The following ATPAF1 variants were observed in gnomAD, a reference collection of about 807,000 sequenced individuals.
ATPAF1 encodes the protein homolog of yeast ATP11.
ATPAF1 carries 26 observed loss-of-function variants against 43.9 expected under a neutral mutation model. The observed-to-expected ratio is 0.59, with a 90% CI of 0.43 to 0.82. ATPAF1 has a LOEUF of 0.82. ATPAF1 is among the 40% of genes least tolerant of loss of function. ATPAF1 has a pLI of 0.00. For missense variants in ATPAF1, 366 were observed against 435.0 expected, an observed-to-expected ratio of 0.84 and a Z score of 1.41; for synonymous variants, 157 against 168.0, an observed-to-expected ratio of 0.93 and a Z score of 0.50.
At chr1:46,658,080 A>G (rs1409217938) in intron 4 of ATPAF1, 47 bp downstream of exon 4, 1 of 1,553,282 alleles carries the variant, frequency 6.4e-7, no homozygotes, top group Non-Finnish European at 8.8e-7. Context: ...TTTGGTTCAC[A>G]GAATTCACAT....
downstream of ATPAF1, chr1:46,632,899 A>G (rs894849931): frequency 6.6e-6 from 1 of 152,638 alleles, no homozygotes; most frequent in African/African-American, 2.4e-5. Context: ...AATATAATGT[A>G]TTTGGAGTTT....
At chr1:46,650,742 A>G (rs1676148401) in intron 6 of ATPAF1, among the ~76,000 whole-genome samples, 1 of 152,098 alleles carries the variant, frequency 6.6e-6, no homozygotes, top group Admixed American at 6.5e-5. Context: ...AGCTTGGAGA[A>G]CATTATGTTA....
In ATPAF1 at chr1:46,653,596, G is replaced by A. The variant is rs930071315; in HGVS notation, c.540+221C>T. On this transcript the variant is annotated intron_variant, in intron 5 of 8. Coordinates refer to ENST00000574428, the Ensembl canonical transcript of ATPAF1. The surrounding 1 kb of genome is among the most constrained non-coding windows in gnomAD (Gnocchi z 4.8). ...GCTCCCTTGTCAGAGACTTGACTCA[G>A]AGACATTTCTAAAGTAGAAAGGAGG... 1.3e-5 allele frequency among the ~76,000 whole-genome samples: 2 copies of A among 152,146 alleles called. No individual in the cohort carries two copies. Among genetic ancestry groups the A allele is most frequent in the African/African-American group, 4.8e-5 (2 of 41,414 alleles).
chr1:46,643,421 A>G, intron 7 of ATPAF1, 120 bp from the exon 8 acceptor site: 1 of 699,124 alleles, frequency 1.4e-6, no homozygotes, highest in Non-Finnish European at 2.4e-6. Flanking sequence ...GTGGCTAGTG[A>G]GTTGGAGGAC....
chr1:46,658,095 A>G (rs569283293), intron 4 of ATPAF1, 32 bp downstream of exon 4: 3 of 1,590,790 alleles, frequency 1.9e-6, no homozygotes, highest in Non-Finnish European at 1.7e-6. Context: ...TCACATTTTC[A>G]TAGAGTAGGC....
Position 46,641,537 on chromosome 1 carries a change from G to C in ATPAF1, c.792+1657C>G, listed in dbSNP as rs559366700. Among the ~76,000 whole-genome samples, 16 of 152,130 alleles carry C rather than the reference G, an allele frequency of 1.1e-4. No homozygotes were observed. The South Asian group carries it at 3.1e-3, about 30-fold the overall frequency. ...AAAGAGTTTCTATGCTGATTCTTCG[G>C]AGTTTCTCTTCCCATCCTCTCTTAA... On this transcript the variant is annotated intron_variant, in intron 8 of 8. Transcript: ENST00000574428.
At chr1:46,657,690 G>C (rs1359790907) in intron 4 of ATPAF1, among the ~76,000 whole-genome samples, 1 of 152,160 alleles carries the variant, frequency 6.6e-6, no homozygotes. Flanking sequence ...TAGTGGCAGA[G>C]CTAGGACTTA....
At position 46,665,255 on chromosome 1, in the gene ATPAF1, C is replaced by G; in HGVS notation, c.375+1G>C. 1 of 1,614,016 alleles carries G rather than the reference C, an allele frequency of 6.2e-7. No homozygotes were observed. Among genetic ancestry groups the G allele is most frequent in the African/African-American group, 1.3e-5 (1 of 75,054 alleles). On this transcript the variant is annotated splice_donor_variant, in intron 2 of 8. Coordinates refer to ENST00000574428, the Ensembl canonical transcript of ATPAF1. LOFTEE classifies it high-confidence loss of function. ...ACACCACAAATGGGGGAAGGTCTTA[C>G]CTTCTGTTCCACACATTTGATAAAA... is the stretch of plus-strand genomic sequence containing the variant.
intron 2 of ATPAF1, among the ~76,000 whole-genome samples, chr1:46,661,039 T>C (rs564823051): frequency 5.9e-5 from 9 of 151,832 alleles, no homozygotes; most frequent in Non-Finnish European, 8.8e-5. Flanking sequence ...TGTGGAATCA[T>C]AGGTCACTGA....
chr1:46,663,972 T>C (rs1345297157), intron 2 of ATPAF1: 6 of 1,123,592 alleles, frequency 5.3e-6, no homozygotes, highest in Non-Finnish European at 7.0e-6. Context: ...ATTTAGTGGA[T>C]TGTGATCAGA....
intron 8 of ATPAF1, among the ~76,000 whole-genome samples, chr1:46,638,398 C>T (rs1274057118): frequency 1.3e-5 from 2 of 152,120 alleles, no homozygotes; most frequent in African/African-American, 4.8e-5. Context: ...GTGGGCGGAT[C>T]ATGAGGTCAG....
At chr1:46,661,897 CT>C (rs931528859) in intron 2 of ATPAF1, among the ~76,000 whole-genome samples, 43 of 147,578 alleles carry the variant, frequency 2.9e-4, no homozygotes, top group South Asian at 1.1e-3. Flanking sequence ...AAATTTCTTT[CT>C]TTTTTTTTTT....
exon 8 of ATPAF1, chr1:46,643,291 T>C (rs1354603274): frequency 6.2e-7 from 1 of 1,612,108 alleles, no homozygotes; most frequent in Admixed American, 1.7e-5. Context: ...GGCTGCAGCT[T>C]CCCCTCGGGT....
At position 46,653,262 on chromosome 1, in the gene ATPAF1, T is replaced by C. The variant is rs1202340607; in HGVS notation, c.540+555A>G. Among the ~76,000 whole-genome samples the C allele has an allele frequency of 6.6e-6, 1 of 152,092 alleles. No homozygotes were observed. The highest frequency in any genetic ancestry group is 1.9e-4 in the East Asian group (1 of 5,184). On this transcript the variant is annotated intron_variant, in intron 5 of 8. Transcript: ENST00000574428. The surrounding 1 kb of genome is among the most constrained non-coding windows in gnomAD (Gnocchi z 4.8). The stretch of plus-strand genomic sequence containing the variant: ...ATTATAGTGAAGGCCAGCAAAACAT[T>C]AAACCAGAGAAGCCAGCAGCATCCC...
intron 1 of ATPAF1, 75 bp from the exon 2 acceptor site, chr1:46,665,439 C>T: frequency 6.8e-7 from 1 of 1,476,720 alleles, no homozygotes; most frequent in South Asian, 1.2e-5. Context: ...TCACTTTCCA[C>T]CTCTACAGAG....
intron 6 of ATPAF1, among the ~76,000 whole-genome samples, chr1:46,645,657 C>T (rs913053688): frequency 2.4e-4 from 36 of 152,108 alleles, no homozygotes; most frequent in African/African-American, 7.5e-4. Context: ...GCCACTGCTC[C>T]CAGCCTAAAA....
Position 46,668,194 on chromosome 1 carries a change from C to T in ATPAF1, c.129G>A (p.Gln43=). Reference sequence around the variant, plus strand: ...CGGGGCGCACTGGGAAGACGCGCAGCTGCGCGGGTGACACGAGCCCCAGGC... The same window carrying T: ...CGGGGCGCACTGGGAAGACGCGCAGTTGCGCGGGTGACACGAGCCCCAGGC... The change falls in exon 1 of 9, where the codon CAG becomes CAA. Residue 43 remains glutamine, a synonymous_variant. Coordinates refer to ENST00000574428, the Ensembl canonical transcript of ATPAF1. The surrounding 1 kb of genome is among the most constrained non-coding windows in gnomAD (Gnocchi z 4.4). 12 of 1,394,274 alleles carry T rather than the reference C, an allele frequency of 8.6e-6. No individual in the cohort carries two copies. Among genetic ancestry groups the T allele is most frequent in the Non-Finnish European group, 1.0e-5 (11 of 1,074,596 alleles). The allele number at this position is 1,394,274 out of a possible 1,614,324, so 86.4% of individuals were successfully genotyped here. A position where few individuals can be genotyped will look rare whatever the true frequency, so the allele number is the denominator to read the frequency against.
intron 8 of ATPAF1, among the ~76,000 whole-genome samples, chr1:46,637,824 T>G (rs891747768): frequency 6.6e-6 from 1 of 152,170 alleles, no homozygotes; most frequent in Admixed American, 6.5e-5. Flanking sequence ...TCTCATTTAA[T>G]AGGCTAGGAA....
At chr1:46,640,488 T>C (rs1191746391) in intron 8 of ATPAF1, among the ~76,000 whole-genome samples, 1 of 152,126 alleles carries the variant, frequency 6.6e-6, no homozygotes, top group Non-Finnish European at 1.5e-5. Context: ...CACATGCCTG[T>C]AATCTCAGCT....
Sources: gnomAD v4.1 joint callset for allele counts (sites outside exome capture counted in the v4.1 genomes callset) on GRCh38, gnomAD v4.1.1 for gene constraint, Gnocchi (gnomAD v3.1) non-coding constraint, MANE v1.5 for transcripts, NCBI Gene and HGNC (gene_info 2026-07-23, HGNC 2026-07-21) for gene names.